RLN2: variants seen among roughly 807,000 people sequenced by gnomAD.
RLN2 encodes the protein prorelaxin H2.
Under a neutral mutation model 7.3 loss-of-function variants are expected in RLN2, and 10 were observed. That is an observed-to-expected ratio of 1.36 (90% CI 0.84 to 2.31). The LOEUF is 2.31. Ranked by LOEUF, RLN2 falls within the 30% of genes most tolerant of loss-of-function variation. The pLI is 0.00. For synonymous variants in RLN2, 103 were observed against 82.3 expected (o/e 1.25, Z -1.36); for missense variants, 298 against 217.6 (o/e 1.37, Z -2.32).
chr9:5,310,861 C>T, the RLN2 span, among the ~76,000 whole-genome samples: 1 of 152,010 alleles, frequency 6.6e-6, no homozygotes, highest in African/African-American at 2.4e-5. Context: ...TACATTGTTT[C>T]AACTATTATT....
the RLN2 span, chr9:5,311,702 G>T: frequency 9.0e-6 from 11 of 1,223,420 alleles, no homozygotes; most frequent in Non-Finnish European, 1.3e-5. Context: ...CGAAGGTGCT[G>T]GAGATGCCAA....
upstream of RLN2, chr9:5,305,108 A>G (rs1816219099): frequency 6.6e-6 from 1 of 152,570 alleles, no homozygotes; most frequent in African/African-American, 2.4e-5. Flanking sequence ...ATAAAAATAT[A>G]AAAATAGAAT....
At chr9:5,308,544 A>G (rs1327713319), upstream of RLN2, among the ~76,000 whole-genome samples, 3 of 152,056 alleles carry the variant, frequency 2.0e-5, no homozygotes. Context: ...CTGACCATAC[A>G]ATCCAGCCAT....
chr9:5,316,231 A>G, the RLN2 span, among the ~76,000 whole-genome samples: 1 of 151,976 alleles, frequency 6.6e-6, no homozygotes, highest in East Asian at 1.9e-4. Flanking sequence ...ATATATGTAT[A>G]TATGTGCAAA....
chr9:5,302,423 G>A (rs1476134454), intron 1 of RLN2, among the ~76,000 whole-genome samples: 1 of 152,178 alleles, frequency 6.6e-6, no homozygotes, highest in African/African-American at 2.4e-5. Flanking sequence ...TAATAATGTG[G>A]AAGCAAATAG....
chr9:5,332,199 G>A, the RLN2 span, among the ~76,000 whole-genome samples: 7 of 152,174 alleles, frequency 4.6e-5, no homozygotes, highest in Admixed American at 2.0e-4. Flanking sequence ...TCACAGTGGT[G>A]TGCAGGTGTA....
chr9:5,299,905 T>C lies in RLN2; in HGVS notation c.*193A>G. On this transcript the variant is annotated 3_prime_UTR_variant, in exon 2 of 2. Transcript: ENST00000381627. ...GTGTCATTTAATCACACAAAGAACA[T>C]TTTCTTACACATCAAATAAAAAAAT... The C allele has an allele frequency of 2.3e-6, 1 of 431,382 alleles. No homozygotes were observed. The highest frequency in any genetic ancestry group is 3.9e-5 in the Admixed American group (1 of 25,484). The allele number at this position is 431,382 out of a possible 1,614,324, so 26.7% of individuals were successfully genotyped here.
the RLN2 span, among the ~76,000 whole-genome samples, chr9:5,320,537 C>T: frequency 2.6e-3 from 381 of 148,838 alleles, 1 homozygote; most frequent in African/African-American, 8.9e-3. Context: ...CACGCGGCTA[C>T]GTTTTGTGTT....
At chr9:5,317,470 G>C in the RLN2 span, among the ~76,000 whole-genome samples, 8 of 149,172 alleles carry the variant, frequency 5.4e-5, no homozygotes, top group African/African-American at 1.7e-4. Flanking sequence ...AAAAATAGCT[G>C]GGCTACACTG....
At chr9:5,317,117 C>G in the RLN2 span, among the ~76,000 whole-genome samples, 3 of 151,726 alleles carry the variant, frequency 2.0e-5, no homozygotes, top group Admixed American at 2.0e-4. Context: ...AACAGTACCA[C>G]AGGAAAACAT....
intron 1 of RLN2, among the ~76,000 whole-genome samples, 162 bp from the exon 2 acceptor site, chr9:5,300,606 C>T (rs1001926335): frequency 3.9e-5 from 6 of 152,184 alleles, no homozygotes; most frequent in African/African-American, 1.2e-4. Flanking sequence ...ACTTAGCTTA[C>T]TTACAGTTGG....
chr9:5,310,503 G>A, the RLN2 span, among the ~76,000 whole-genome samples: 13 of 151,878 alleles, frequency 8.6e-5, no homozygotes, highest in African/African-American at 2.7e-4. Flanking sequence ...TCTCTTCCTC[G>A]CTAGGGTGAC....
At chr9:5,334,822 A>G in the RLN2 span, 1 of 153,678 alleles carries the variant, frequency 6.5e-6, no homozygotes, top group Non-Finnish European at 1.4e-5. Flanking sequence ...GTAGTTCAAT[A>G]TGCAACAAAA....
chr9:5,328,658 A>T, the RLN2 span, among the ~76,000 whole-genome samples: 1 of 152,034 alleles, frequency 6.6e-6, no homozygotes. Context: ...GGGCAGCCAG[A>T]GAGAAAGGTC....
the RLN2 span, among the ~76,000 whole-genome samples, chr9:5,331,430 A>G: frequency 2.0e-5 from 3 of 152,144 alleles, no homozygotes; most frequent in East Asian, 3.9e-4. Context: ...ATGTCCATCA[A>G]TGATAGACTG....
the RLN2 span, among the ~76,000 whole-genome samples, chr9:5,328,942 T>C: frequency 6.6e-6 from 1 of 151,818 alleles, no homozygotes; most frequent in African/African-American, 2.4e-5. Context: ...GCACTAAACA[T>C]GGAAAGGAAC....
chr9:5,306,792 G>T (rs1054735876), upstream of RLN2, among the ~76,000 whole-genome samples: 5 of 151,956 alleles, frequency 3.3e-5, no homozygotes, highest in African/African-American at 9.7e-5. Flanking sequence ...AATAGTGAAG[G>T]TTAATATGTA....
At chr9:5,309,213 T>G (rs969748608), upstream of RLN2, among the ~76,000 whole-genome samples, 4 of 152,084 alleles carry the variant, frequency 2.6e-5, no homozygotes, top group African/African-American at 4.8e-5. Flanking sequence ...CAGTTCAGAC[T>G]GTATATAATG....
chr9:5,329,695 A>G, the RLN2 span, among the ~76,000 whole-genome samples: 78 of 152,116 alleles, frequency 5.1e-4, no homozygotes, highest in African/African-American at 1.8e-3. Flanking sequence ...GGATCAATTC[A>G]CCAAGAAGAG....
Sources: allele counts gnomAD v4.1 joint callset (sites outside exome capture counted in the v4.1 genomes callset), GRCh38; gene constraint gnomAD v4.1.1; transcripts MANE v1.5; gene names NCBI Gene and HGNC (gene_info 2026-07-23, HGNC 2026-07-21).